The following WDR31 variants were observed in gnomAD, a reference collection of about 807,000 sequenced individuals.
WDR31 encodes the protein WD repeat domain 31.
In WDR31, 30 loss-of-function variants were observed where a neutral mutation model predicts 47.3. That is an observed-to-expected ratio of 0.63 (90% CI 0.47 to 0.86). The LOEUF is 0.86. Among genes scored for constraint, WDR31 ranks in the 40% least tolerant of loss-of-function variants. WDR31 has a pLI of 0.00. For missense variants in WDR31, 406 were observed against 442.9 expected (o/e 0.92, Z 0.75); for synonymous variants, 137 against 159.4 (o/e 0.86, Z 1.06).
At chr9:113,336,217 G>A (rs1833713514) in intron 2 of WDR31, 71 bp downstream of exon 2, 1 of 152,210 alleles carries the variant, frequency 6.6e-6, no homozygotes, top group Non-Finnish European at 1.5e-5. Flanking sequence ...TATAGTCAGA[G>A]AGCCATACTT....
chr9:113,336,913 T>C (rs1314669037), intron 1 of WDR31, among the ~76,000 whole-genome samples: 2 of 152,218 alleles, frequency 1.3e-5, no homozygotes, highest in African/African-American at 2.4e-5. Context: ...GATAGAAATA[T>C]TATTTGCTCA....
intron 5 of WDR31, among the ~76,000 whole-genome samples, chr9:113,326,507 C>G (rs1310247355): frequency 1.3e-5 from 2 of 151,988 alleles, no homozygotes; most frequent in Non-Finnish European, 2.9e-5. Flanking sequence ...CGCTATGTCA[C>G]CCAGGCTGGG....
Position 113,316,658 on chromosome 9 carries a change from ATC to A in WDR31, c.*89_*90del. ...CCTAAGCAAAGAATACCAGCCCTAC[ATC>A]CCACTCCCCTCAAGATAACTGGGAA... On this transcript the variant is annotated 3_prime_UTR_variant, in exon 11 of 11. Coordinates refer to ENST00000374193, the MANE Select transcript of WDR31 (RefSeq NM_001012361.4). The A allele has an allele frequency of 6.8e-7, 1 of 1,461,754 alleles. No individual in the cohort carries two copies. Among genetic ancestry groups the A allele is most frequent in the Non-Finnish European group, 9.2e-7 (1 of 1,086,064 alleles). 90.5% of individuals were successfully genotyped at this position (1,461,754 alleles called of 1,614,324 possible). A position where few individuals can be genotyped will look rare whatever the true frequency, so the allele number is the denominator to read the frequency against.
chr9:113,335,315 C>T (rs1257588719), intron 2 of WDR31, among the ~76,000 whole-genome samples: 4 of 152,108 alleles, frequency 2.6e-5, no homozygotes, highest in African/African-American at 7.2e-5. Context: ...TTTGCTGGGA[C>T]CGAAGGAACC....
intron 5 of WDR31, among the ~76,000 whole-genome samples, 174 bp downstream of exon 5, chr9:113,328,704 TAAC>T (rs1224759071): frequency 3.9e-5 from 6 of 152,250 alleles, no homozygotes; most frequent in East Asian, 3.8e-4. Flanking sequence ...GATATGCCTG[TAAC>T]AACAACTAAG....
At chr9:113,329,062 T>A in intron 4 of WDR31, 107 bp from the exon 5 acceptor site, 1 of 1,024,124 alleles carries the variant, frequency 9.8e-7, no homozygotes, top group Non-Finnish European at 1.5e-6. Flanking sequence ...ACTCCCTCTC[T>A]GCTCAGGAAC....
At chr9:113,320,175 C>G (rs947497919) in intron 9 of WDR31, among the ~76,000 whole-genome samples, 182 bp downstream of exon 9, 1 of 152,202 alleles carries the variant, frequency 6.6e-6, no homozygotes, top group Non-Finnish European at 1.5e-5. Flanking sequence ...CCGCCTTGGC[C>G]TCCCCTATGA....
In WDR31 at chr9:113,320,445, T is replaced by A; in HGVS notation, c.692A>T (p.His231Leu). Residue 231 changes from histidine (H) to leucine (L), a missense_variant, in exon 9 of 11, where the codon CAC becomes CTC. Transcript: ENST00000374193. Reference sequence around the variant, plus strand: ...ACTGACTTCACAGTAGGTCTGAATGTGCTGCTTTGCAGGAAACATATGAGC... The same window carrying A: ...ACTGACTTCACAGTAGGTCTGAATGAGCTGCTTTGCAGGAAACATATGAGC... The part of the protein sequence containing the change: ...QVAHMFPAKQ[H>L]IQTYCEVSVD... The A allele has an allele frequency of 6.2e-7, 1 of 1,614,252 alleles. No individual in the cohort carries two copies. The highest frequency in any genetic ancestry group is 1.1e-5 in the South Asian group (1 of 91,084).
chr9:113,340,015 G>A (rs1833796198), intron 1 of WDR31, among the ~76,000 whole-genome samples: 1 of 152,220 alleles, frequency 6.6e-6, no homozygotes, highest in South Asian at 2.1e-4. Context: ...GATTCCAGGC[G>A]TGAGCCACCG....
chr9:113,337,002 T>C (rs1444472222), intron 1 of WDR31, among the ~76,000 whole-genome samples: 1 of 152,258 alleles, frequency 6.6e-6, no homozygotes, highest in East Asian at 1.9e-4. Flanking sequence ...AACAGCTTTA[T>C]TGCATTTTAA....
intron 9 of WDR31, among the ~76,000 whole-genome samples, chr9:113,319,971 G>C (rs1389066279): frequency 6.6e-6 from 1 of 151,892 alleles, no homozygotes; most frequent in Non-Finnish European, 1.5e-5. Flanking sequence ...TTATTTTTTT[G>C]AGATGGGGTC....
rs1833620894 is a variant in WDR31 at position 113,332,517 on chromosome 9, A to T, written c.-28-467T>A. On this transcript the variant is annotated intron_variant, in intron 2 of 10. Transcript: ENST00000374193. ...TACAACATGGGTGAATCTTGAGAAC[A>T]TCATGCTAAGCAAAAGAAGCCAGAC... 2.0e-5 allele frequency among the ~76,000 whole-genome samples: 3 copies of T among 152,364 alleles called. No homozygotes were observed. The South Asian group carries it at 6.2e-4, about 32-fold the overall frequency.
intron 1 of WDR31, among the ~76,000 whole-genome samples, chr9:113,339,348 T>G (rs1324965651): frequency 3.3e-5 from 5 of 152,204 alleles, no homozygotes; most frequent in Non-Finnish European, 7.3e-5. Context: ...GGACTGGACC[T>G]TATTTCCCTG....
intron 10 of WDR31, among the ~76,000 whole-genome samples, chr9:113,317,363 T>A: frequency 6.6e-6 from 1 of 152,198 alleles, no homozygotes; most frequent in Non-Finnish European, 1.5e-5. Context: ...TCCATCTGCA[T>A]CTTAGAGGCC....
Position 113,322,876 on chromosome 9 carries a change from T to C in WDR31, c.505A>G (p.Thr169Ala), listed in dbSNP as rs1833357689. The C allele has an allele frequency of 5.0e-6, 8 of 1,614,086 alleles. No homozygotes were observed. Among genetic ancestry groups the C allele is most frequent in the Non-Finnish European group, 6.8e-6 (8 of 1,179,998 alleles). The change falls in exon 7 of 11, where the codon ACC (threonine) becomes GCC (alanine). Residue 169 changes from threonine to alanine, a missense_variant. Transcript: ENST00000374193. ...SQLCTGSRDN[T>A]LLLWDVVTGQ... ...GTCACCACATCCCACAGAAGCAGGGTGTTGTCCCGAGAGCCAGTGCACAGC... is the reference window on the plus strand; with the variant it reads ...GTCACCACATCCCACAGAAGCAGGGCGTTGTCCCGAGAGCCAGTGCACAGC...
At position 113,331,934 on chromosome 9, in the gene WDR31, T is replaced by C. The variant is rs373579470; in HGVS notation, c.89A>G (p.Lys30Arg). 6.1e-5 allele frequency: 99 copies of C among 1,613,784 alleles called. No individual in the cohort carries two copies. Among genetic ancestry groups the C allele is most frequent in the Non-Finnish European group, 8.1e-5 (96 of 1,179,822 alleles). Residue 30 changes from lysine to arginine, a missense_variant, in exon 3 of 11, where the codon AAA (lysine) becomes AGA (arginine). Transcript: ENST00000374193. ...GTATTTATAAGTGCTGTGTTTGAGT[T>C]TGCTTTGCTGTTTCCCCATCACGAC... is the stretch of plus-strand genomic sequence containing the variant. Reference protein sequence around the residue: ...FCVVMGKQQSKLKHSTYKYGR... With the variant: ...FCVVMGKQQSRLKHSTYKYGR...
chr9:113,318,355 G>A (rs1833253105), intron 10 of WDR31, 120 bp downstream of exon 10: 3 of 1,160,960 alleles, frequency 2.6e-6, no homozygotes, highest in Non-Finnish European at 1.2e-6. Flanking sequence ...TTAAGCATGA[G>A]ACTGGACAGT....
chr9:113,322,274 G>C (rs1310339734), intron 7 of WDR31, among the ~76,000 whole-genome samples: 1 of 151,948 alleles, frequency 6.6e-6, no homozygotes, highest in Non-Finnish European at 1.5e-5. Context: ...TAACTTCCTT[G>C]AGATAACATA....
chr9:113,337,565 A>G (rs1342793974), intron 1 of WDR31, among the ~76,000 whole-genome samples: 2 of 151,504 alleles, frequency 1.3e-5, no homozygotes, highest in African/African-American at 4.9e-5. Flanking sequence ...TCCCAGGTTC[A>G]AGCAATTCTC....
Sources: allele counts gnomAD v4.1 joint callset (sites outside exome capture counted in the v4.1 genomes callset), GRCh38; gene constraint gnomAD v4.1.1; transcripts MANE v1.5; gene names NCBI Gene and HGNC (gene_info 2026-07-23, HGNC 2026-07-21).